TLCD1: variants seen among roughly 807,000 people sequenced by gnomAD.
The protein encoded by TLCD1 is TLC domain-containing protein 1.
TLCD1 carries 21 observed loss-of-function variants against 21.2 expected under a neutral mutation model. The ratio of observed to expected loss-of-function variants is 0.99; its 90% CI spans 0.70 to 1.42. The LOEUF (loss-of-function observed/expected upper bound fraction) is 1.42, where lower values mean the gene tolerates loss of function less well. Ranked by LOEUF, TLCD1 falls within the 40% of genes most tolerant of loss-of-function variation. The pLI is 0.00. For missense variants in TLCD1, 344 were observed against 330.3 expected (o/e 1.04, Z -0.32); for synonymous variants, 168 against 134.8 (o/e 1.25, Z -1.71).
chr17:28,724,781 T>G lies in TLCD1; in HGVS notation c.473A>C (p.Lys158Thr). The change falls in exon 4 of 4, where the codon AAA (lysine) becomes ACA (threonine). Residue 158 changes from lysine (K) to threonine (T), a missense_variant. Transcript: ENST00000292090. ...GAGATGATCCTGGGCATTACTGATT[T>G]TCATCATCATGCGAATGGTGAGGAA... is the stretch of plus-strand genomic sequence containing the variant. ...NIFLTIRMMM[K>T]ISNAQDHLLY... 1 of 1,614,138 alleles carries G rather than the reference T, an allele frequency of 6.2e-7. No individual in the cohort carries two copies. Among genetic ancestry groups the G allele is most frequent in the Non-Finnish European group, 8.5e-7 (1 of 1,180,032 alleles).
Position 28,724,448 on chromosome 17 carries a change from C to G in TLCD1, c.*62G>C. 1 of 1,569,642 alleles carries G rather than the reference C, an allele frequency of 6.4e-7. No homozygotes were observed. ...GACACCCAGGCTTGGGGCTAAGTCCCAGTGTCCATATGAAGCTGTTTCTGG... is the reference window on the plus strand; with the variant it reads ...GACACCCAGGCTTGGGGCTAAGTCCGAGTGTCCATATGAAGCTGTTTCTGG... On this transcript the variant is annotated 3_prime_UTR_variant, in exon 4 of 4. Transcript: ENST00000292090.
chr17:28,724,442 A>C lies in TLCD1; in HGVS notation c.*68T>G. On this transcript the variant is annotated 3_prime_UTR_variant, in exon 4 of 4. Transcript: ENST00000292090. ...TCAGAGGACACCCAGGCTTGGGGCT[A>C]AGTCCCAGTGTCCATATGAAGCTGT... 1 of 1,559,666 alleles carries C rather than the reference A, an allele frequency of 6.4e-7. No individual in the cohort carries two copies. Among genetic ancestry groups the C allele is most frequent in the Non-Finnish European group, 8.7e-7 (1 of 1,152,498 alleles).
At chr17:28,726,681 C>G (rs1360104064), upstream of TLCD1, 3 of 1,436,162 alleles carry the variant, frequency 2.1e-6, no homozygotes, top group African/African-American at 4.2e-5. Flanking sequence ...GCCCCGCGTC[C>G]GACAGTGGTC....
chr17:28,726,306 C>A (rs1284125136), upstream of TLCD1: 1 of 1,024,360 alleles, frequency 9.8e-7, no homozygotes, highest in South Asian at 4.7e-5. Context: ...CCCCGCCCCG[C>A]CCGCCTGCCC....
At position 28,726,156 on chromosome 17, in the gene TLCD1, G is replaced by A. The variant is rs2034224559; in HGVS notation, c.-59C>T. ...CCTCCTAGGTCTGTTCTGGGAACCGGGATCCCTCTCGGGCCAGTCCAGGCC... is the reference window on the plus strand; with the variant it reads ...CCTCCTAGGTCTGTTCTGGGAACCGAGATCCCTCTCGGGCCAGTCCAGGCC... On this transcript the variant is annotated 5_prime_UTR_variant, in exon 1 of 4. Coordinates refer to ENST00000292090, the MANE Select transcript of TLCD1 (RefSeq NM_138463.4). The A allele has an allele frequency of 1.4e-6, 2 of 1,401,756 alleles. No individual in the cohort carries two copies. Among genetic ancestry groups the A allele is most frequent in the South Asian group, 1.6e-5 (1 of 64,030 alleles). 86.8% of individuals were successfully genotyped at this position (1,401,756 alleles called of 1,614,324 possible).
chr17:28,726,904 G>T, upstream of TLCD1: 1 of 1,291,864 alleles, frequency 7.7e-7, no homozygotes, highest in Non-Finnish European at 1.1e-6. Context: ...GCTCCCCGGA[G>T]GCTGGGCAAG....
intron 3 of TLCD1, among the ~76,000 whole-genome samples, 175 bp from the exon 4 acceptor site, chr17:28,725,068 T>G (rs976599827): frequency 1.3e-5 from 2 of 152,178 alleles, no homozygotes; most frequent in African/African-American, 4.8e-5. Flanking sequence ...AGATTTTGAT[T>G]GCTGCTCACA....
At chr17:28,725,128 G>A (rs150217546) in intron 3 of TLCD1, among the ~76,000 whole-genome samples, 176 bp downstream of exon 3, 2 of 152,282 alleles carry the variant, frequency 1.3e-5, no homozygotes, top group African/African-American at 4.8e-5. Flanking sequence ...ACCATGGGTT[G>A]CTGGCCTCAG....
intron 1 of TLCD1, 23 bp from the exon 2 acceptor site, chr17:28,725,586 C>T: frequency 6.2e-7 from 1 of 1,612,158 alleles, no homozygotes. Context: ...GAAGAGGAGG[C>T]TCTGCATTTC....
intron 3 of TLCD1, 48 bp downstream of exon 3, chr17:28,725,256 T>A (rs1203393105): frequency 5.0e-6 from 8 of 1,594,666 alleles, no homozygotes; most frequent in Non-Finnish European, 6.9e-6. Context: ...GAGCTGAGAC[T>A]AGATTACTGA....
Position 28,726,104 on chromosome 17 carries a change from C to T in TLCD1, c.-7G>A, listed in dbSNP as rs2151728175. ...GGTGCAGCAGTCGGGGCATGCTGGCCCTCCCTGCCGTCCGCCCTCGAGGCC... is the reference window on the plus strand; with the variant it reads ...GGTGCAGCAGTCGGGGCATGCTGGCTCTCCCTGCCGTCCGCCCTCGAGGCC... On this transcript the variant is annotated 5_prime_UTR_variant, in exon 1 of 4. Transcript: ENST00000292090. The T allele has an allele frequency of 7.0e-7, 1 of 1,435,522 alleles. No homozygotes were observed. Among genetic ancestry groups the T allele is most frequent in the African/African-American group, 1.5e-5 (1 of 66,582 alleles). The allele number at this position is 1,435,522 out of a possible 1,614,324, so 88.9% of individuals were successfully genotyped here.
upstream of TLCD1, chr17:28,726,748 G>C (rs774071360): frequency 1.9e-6 from 3 of 1,548,820 alleles, no homozygotes; most frequent in Non-Finnish European, 2.6e-6. Context: ...CCGGAGTCCC[G>C]TGTTTACCTG....
At chr17:28,725,028 G>T in intron 3 of TLCD1, 135 bp from the exon 4 acceptor site, 1 of 1,039,686 alleles carries the variant, frequency 9.6e-7, no homozygotes, top group South Asian at 1.7e-5. Context: ...TAGTGGGTAA[G>T]ATGCTTTGTT....
At chr17:28,725,210 A>G in intron 3 of TLCD1, 94 bp downstream of exon 3, 1 of 1,435,682 alleles carries the variant, frequency 7.0e-7, no homozygotes, top group South Asian at 1.2e-5. Context: ...GGTGGGTGGT[A>G]AGAAAACACG....
At position 28,725,910 on chromosome 17, in the gene TLCD1, A is replaced by G. The variant is rs780514509; in HGVS notation, c.188T>C (p.Leu63Pro). ...TCCACAGTCGCTCACTCACCACAGC[A>G]GTGCCCAGATCCCCGACACAATGGA... ...AHSIVSGIWALLCVWQTPDML... is the reference protein window; with the variant it reads ...AHSIVSGIWAPLCVWQTPDML... The change falls in exon 1 of 4, where the codon CTG becomes CCG. Residue 63 changes from leucine to proline, a missense_variant. Physicochemically the swap from Leu to Pro is moderately conservative, Grantham distance 98. Transcript: ENST00000292090. 6.2e-7 allele frequency: 1 copy of G among 1,613,048 alleles called. No individual in the cohort carries two copies. The highest frequency in any genetic ancestry group is 1.7e-5 in the Admixed American group (1 of 59,970).
At chr17:28,726,569 G>A (rs1013100038), upstream of TLCD1, among the ~76,000 whole-genome samples, 3 of 151,934 alleles carry the variant, frequency 2.0e-5, no homozygotes, top group Non-Finnish European at 2.9e-5. Context: ...GCCCTGGGCG[G>A]GTACCGCGAG....
intron 3 of TLCD1, 24 bp downstream of exon 3, chr17:28,725,280 C>A: frequency 6.2e-7 from 1 of 1,613,036 alleles, no homozygotes; most frequent in Non-Finnish European, 8.5e-7. Context: ...CAGGCCTATA[C>A]CACATAGTCT....
At chr17:28,725,000 C>G in intron 3 of TLCD1, 107 bp from the exon 4 acceptor site, 1 of 1,267,040 alleles carries the variant, frequency 7.9e-7, no homozygotes, top group South Asian at 1.5e-5. Flanking sequence ...CCAAATTTCC[C>G]CCTGGAATAA....
upstream of TLCD1, chr17:28,727,151 G>C (rs1359174236): frequency 5.8e-6 from 2 of 342,210 alleles, no homozygotes; most frequent in Non-Finnish European, 1.1e-5. Context: ...AGAGCGGGGA[G>C]GGAGAAGAGG....
Sources: gnomAD v4.1 joint callset for allele counts (sites outside exome capture counted in the v4.1 genomes callset) on GRCh38, gnomAD v4.1.1 for gene constraint, MANE v1.5 for transcripts, NCBI Gene and HGNC (gene_info 2026-07-23, HGNC 2026-07-21) for gene names.